Variants in NAT8L observed in about 807,000 individuals in gnomAD.
NAT8L encodes aspartate N-acetyltransferase.
NAT8L carries 6 observed loss-of-function variants against 21.2 expected under a neutral mutation model. The ratio of observed to expected loss-of-function variants is 0.28; its 90% CI spans 0.16 to 0.56. The LOEUF (loss-of-function observed/expected upper bound fraction) is 0.56, where lower values mean the gene tolerates loss of function less well. NAT8L is among the 20% of genes least tolerant of loss of function. The pLI, the probability that NAT8L is intolerant of heterozygous loss-of-function variation, is 0.93. For missense variants in NAT8L, 331 were observed against 433.3 expected (o/e 0.76, Z 2.10); for synonymous variants, 239 against 204.9 (o/e 1.17, Z -1.42).
Position 2,059,669 on chromosome 4 carries a change from C to T in NAT8L, c.158C>T (p.Pro53Leu). 3.0e-6 allele frequency: 3 copies of T among 987,456 alleles called. No individual in the cohort carries two copies. The highest frequency in any genetic ancestry group is 3.6e-6 in the Non-Finnish European group (3 of 831,296). 61.2% of individuals were successfully genotyped at this position (987,456 alleles called of 1,614,324 possible). A position where few individuals can be genotyped will look rare whatever the true frequency, so the allele number is the denominator to read the frequency against. The change falls in exon 1 of 3, where the codon CCC (proline) becomes CTC (leucine). Residue 53 changes from proline (P) to leucine (L), a missense_variant. Physicochemically the swap from Pro to Leu is moderately conservative, Grantham distance 98. Coordinates refer to ENST00000423729, the MANE Select transcript of NAT8L (RefSeq NM_178557.4). This position sits in a 1 kb window ranked among gnomAD's most constrained non-coding sequence, Gnocchi z 4.8. ...PAAPGPAAAP[P>L]APPPAPVAQP... ...GCGCCCGGGCCGGCCGCCGCGCCCC[C>T]CGCGCCCCCACCTGCCCCGGTGGCT...
At chr4:2,062,220 C>T (rs1410173899) in intron 2 of NAT8L, among the ~76,000 whole-genome samples, 2 of 152,142 alleles carry the variant, frequency 1.3e-5, no homozygotes, top group Non-Finnish European at 2.9e-5. Context: ...AGGGCAGAGG[C>T]TGGATAGCTG....
intron 2 of NAT8L, among the ~76,000 whole-genome samples, chr4:2,062,066 A>AACGGGCCATGAGGAAGC (rs1729904433): frequency 1.3e-5 from 2 of 152,108 alleles, no homozygotes; most frequent in Non-Finnish European, 2.9e-5. Flanking sequence ...TGGGAGGGGA[A>AACGGGCCATGAGGAAGC]ACGGGCCATG....
rs1729844501 is a variant in NAT8L, at chr4:2,060,944, C to A, written c.377-54C>A. 9.3e-7 allele frequency: 1 copy of A among 1,072,560 alleles called. No individual in the cohort carries two copies. Among genetic ancestry groups the A allele is most frequent in the African/African-American group, 1.7e-5 (1 of 59,350 alleles). The allele number at this position is 1,072,560 out of a possible 1,614,324, so 66.4% of individuals were successfully genotyped here. A position where few individuals can be genotyped will look rare whatever the true frequency, so the allele number is the denominator to read the frequency against. On this transcript the variant is annotated intron_variant, in intron 1 of 2. Transcript: ENST00000423729. The surrounding 1 kb of genome is among the most constrained non-coding windows in gnomAD (Gnocchi z 4.7). The stretch of plus-strand genomic sequence containing the variant: ...CTAGCGGGCTTCGCCGGGGTGGCGT[C>A]TCTGGGGCCTGGGGACCCCCGCCGC...
intron 2 of NAT8L, among the ~76,000 whole-genome samples, chr4:2,062,857 A>G (rs1729919957): frequency 6.6e-6 from 1 of 152,154 alleles, no homozygotes; most frequent in Non-Finnish European, 1.5e-5. Flanking sequence ...CCACTGGCCA[A>G]ACCCTTGGTC....
At chr4:2,063,091 C>T (rs1014585531) in intron 2 of NAT8L, among the ~76,000 whole-genome samples, 1 of 152,270 alleles carries the variant, frequency 6.6e-6, no homozygotes, top group Non-Finnish European at 1.5e-5. Flanking sequence ...GATGGCCTGG[C>T]CACTTGGCCT....
In NAT8L at chr4:2,060,276, T is replaced by A. The variant is rs918305569; in HGVS notation, c.376+389T>A. ...GGCCGCCTCCCGCTCGGTGCTAATT[T>A]ATGAGGGGAAGACAGCCGGCGCCGC... On this transcript the variant is annotated intron_variant, in intron 1 of 2. Coordinates refer to ENST00000423729, the MANE Select transcript of NAT8L (RefSeq NM_178557.4). The surrounding 1 kb of genome is among the most constrained non-coding windows in gnomAD (Gnocchi z 4.7). Among the ~76,000 whole-genome samples the A allele has an allele frequency of 6.6e-6, 1 of 151,902 alleles. No homozygotes were observed. The highest frequency in any genetic ancestry group is 2.4e-5 in the African/African-American group (1 of 41,392).
rs1192644592 is a variant in NAT8L at position 2,060,177 on chromosome 4, C to T, written c.376+290C>T. On this transcript the variant is annotated intron_variant, in intron 1 of 2. Transcript: ENST00000423729. This position sits in a 1 kb window ranked among gnomAD's most constrained non-coding sequence, Gnocchi z 4.7. ...CCCTCCCGGGCATCCTGGGTGGGGG[C>T]GGGTGCCAGGGCAGGTAGCGCCCGC... Among the ~76,000 whole-genome samples the T allele has an allele frequency of 1.3e-5, 2 of 151,974 alleles. No individual in the cohort carries two copies. The highest frequency in any genetic ancestry group is 4.8e-5 in the African/African-American group (2 of 41,448).
At chr4:2,061,502 C>G (rs1053376383) in intron 2 of NAT8L, among the ~76,000 whole-genome samples, 1 of 152,182 alleles carries the variant, frequency 6.6e-6, no homozygotes, top group Non-Finnish European at 1.5e-5. Flanking sequence ...GATGGGGTTG[C>G]CTGCAGTGCC....
intron 2 of NAT8L, among the ~76,000 whole-genome samples, chr4:2,063,020 C>T (rs1175653006): frequency 1.3e-5 from 2 of 152,230 alleles, no homozygotes; most frequent in African/African-American, 2.4e-5. Context: ...CCCCCACGAC[C>T]GCCACCTCCT....
Position 2,059,591 on chromosome 4 carries a change from A to G in NAT8L, c.80A>G (p.Lys27Arg). 1.0e-6 allele frequency: 1 copy of G among 980,888 alleles called. No individual in the cohort carries two copies. Among genetic ancestry groups the G allele is most frequent in the Non-Finnish European group, 1.2e-6 (1 of 828,904 alleles). The allele number at this position is 980,888 out of a possible 1,614,324, so 60.8% of individuals were successfully genotyped here. A position where few individuals can be genotyped will look rare whatever the true frequency, so the allele number is the denominator to read the frequency against. ...AEDHEALPGA[K>R]KDALLAAAGA... is the part of the protein sequence containing the mutation. ...GACCATGAGGCGCTGCCGGGGGCCA[A>G]GAAGGACGCGCTGCTCGCCGCCGCC... Residue 27 changes from lysine to arginine, a missense_variant, in exon 1 of 3, where the codon AAG becomes AGG. Lys to Arg is a conservative substitution (Grantham distance 26, BLOSUM62 2). This residue lies in a region of NAT8L where 199 missense variants were observed against 196.1 expected (regional missense o/e 1.01). Coordinates refer to ENST00000423729, the MANE Select transcript of NAT8L (RefSeq NM_178557.4). This position sits in a 1 kb window ranked among gnomAD's most constrained non-coding sequence, Gnocchi z 4.8.
chr4:2,060,012 GCCGCGCCGGGCC>G lies in NAT8L; in HGVS notation c.376+132_376+143del, dbSNP rs1729821750. On this transcript the variant is annotated intron_variant, in intron 1 of 2. Coordinates refer to ENST00000423729, the MANE Select transcript of NAT8L (RefSeq NM_178557.4). The surrounding 1 kb of genome is among the most constrained non-coding windows in gnomAD (Gnocchi z 4.7). ...CAGCCTGGGAAGCCCCCCGCTTTCT[GCCGCGCCGGGCC>G]CCGCGCAGGGCTGGCTATGGGCGTG... The G allele has an allele frequency of 2.2e-6, 1 of 447,030 alleles. No individual in the cohort carries two copies. Among genetic ancestry groups the G allele is most frequent in the Admixed American group, 5.5e-5 (1 of 18,316 alleles). The allele number at this position is 447,030 out of a possible 1,614,324, so 27.7% of individuals were successfully genotyped here.
rs1317879794 is a variant in NAT8L, at chr4:2,066,839, C to A, written c.*2712C>A. On this transcript the variant is annotated 3_prime_UTR_variant, in exon 3 of 3. Coordinates refer to ENST00000423729, the MANE Select transcript of NAT8L (RefSeq NM_178557.4). ...CAGGGGCCTGGGGCTCCTGGGATTTCTGTGTGTTTGGAAGCCTCTGTTTTT... is the reference window on the plus strand; with the variant it reads ...CAGGGGCCTGGGGCTCCTGGGATTTATGTGTGTTTGGAAGCCTCTGTTTTT... The A allele has an allele frequency of 6.6e-6, 1 of 152,440 alleles. No homozygotes were observed. 9.4% of individuals were successfully genotyped at this position (152,440 alleles called of 1,614,324 possible).
At position 2,059,424 on chromosome 4, in the gene NAT8L, T is replaced by G; in HGVS notation, c.-88T>G. Reference sequence around the variant, plus strand: ...CCGCCGCCGCCGCCGCCGCCGCGGGTCCGAGGGCGCCGCGCCCTTGCCCTG... The same window carrying G: ...CCGCCGCCGCCGCCGCCGCCGCGGGGCCGAGGGCGCCGCGCCCTTGCCCTG... On this transcript the variant is annotated 5_prime_UTR_variant, in exon 1 of 3. Coordinates refer to ENST00000423729, the MANE Select transcript of NAT8L (RefSeq NM_178557.4). The surrounding 1 kb of genome is among the most constrained non-coding windows in gnomAD (Gnocchi z 4.8). The G allele has an allele frequency of 4.3e-5, 19 of 442,678 alleles. No individual in the cohort carries two copies. The highest frequency in any genetic ancestry group is 5.5e-5 in the Non-Finnish European group (19 of 344,932). The allele number at this position is 442,678 out of a possible 1,614,324, so 27.4% of individuals were successfully genotyped here. A position where few individuals can be genotyped will look rare whatever the true frequency, so the allele number is the denominator to read the frequency against.
rs199612782 is a variant in NAT8L at position 2,061,160 on chromosome 4, C to G, written c.539C>G (p.Pro180Arg). The G allele has an allele frequency of 6.2e-7, 1 of 1,609,528 alleles. No individual in the cohort carries two copies. The highest frequency in any genetic ancestry group is 1.1e-5 in the South Asian group (1 of 90,944). The change falls in exon 2 of 3, where the codon CCC becomes CGC. Residue 180 changes from proline (P) to arginine (R), a missense_variant and splice_region_variant. This residue lies in a region of NAT8L where 132 missense variants were observed against 237.1 expected (regional missense o/e 0.56). Transcript: ENST00000423729. The part of the protein sequence containing the change: ...ADIEQYYMKP[P>R]GSCFWVAVLD... ...ATCGAGCAGTACTACATGAAGCCGC[C>G]CGGTGAGTCCCGCTCCCGCCGCTCC...
Position 2,063,998 on chromosome 4 carries a change from G to A in NAT8L, c.780G>A (p.Glu260=). 6.2e-7 allele frequency: 1 copy of A among 1,611,914 alleles called. No individual in the cohort carries two copies. Among genetic ancestry groups the A allele is most frequent in the Non-Finnish European group, 8.5e-7 (1 of 1,179,578 alleles). The part of the protein sequence containing the change: ...AVKVAAHKLY[E]SLGFRHMGAS... ...AGGTGGCCGCCCACAAGCTCTACGA[G>A]TCGCTGGGCTTCAGACACATGGGCG... Residue 260 remains glutamate, a synonymous_variant, in exon 3 of 3, where the codon GAG becomes GAA. Coordinates refer to ENST00000423729, the MANE Select transcript of NAT8L (RefSeq NM_178557.4).
rs535031487 is a variant in NAT8L at position 2,062,481 on chromosome 4, G to A, written c.542-1279G>A. ...TGCTGTGTGGGTAGGGAGATGGGGG[G>A]TTGGGTGTGGGAGACCCCAGGGGCT... On this transcript the variant is annotated intron_variant, in intron 2 of 2. Coordinates refer to ENST00000423729, the MANE Select transcript of NAT8L (RefSeq NM_178557.4). Among the ~76,000 whole-genome samples the A allele has an allele frequency of 9.2e-5, 14 of 152,018 alleles. No individual in the cohort carries two copies. In the South Asian group the frequency reaches 2.3e-3, roughly 25 times the overall value.
Position 2,067,756 on chromosome 4 carries a change from G to A in NAT8L, c.*3629G>A, listed in dbSNP as rs895277731. ...GAGGGACGGTGGGACAGTTGCCCCT[G>A]CGCCAAGGGAGCCCACTGCCATCCC... On this transcript the variant is annotated 3_prime_UTR_variant, in exon 3 of 3. Coordinates refer to ENST00000423729, the MANE Select transcript of NAT8L (RefSeq NM_178557.4). The A allele has an allele frequency of 1.3e-5, 2 of 152,282 alleles. No individual in the cohort carries two copies. Among genetic ancestry groups the A allele is most frequent in the African/African-American group, 4.8e-5 (2 of 41,468 alleles). 9.4% of individuals were successfully genotyped at this position (152,282 alleles called of 1,614,324 possible).
chr4:2,061,773 C>G (rs567633160), intron 2 of NAT8L, among the ~76,000 whole-genome samples: 38 of 152,178 alleles, frequency 2.5e-4, no homozygotes, highest in South Asian at 1.0e-3. Context: ...CCGGTTCCCC[C>G]ATGCCGGATG....
rs773143253 is a variant in NAT8L, at chr4:2,061,011, C to T, written c.390C>T (p.Ala130=). 1.5e-5 allele frequency: 23 copies of T among 1,548,212 alleles called. No individual in the cohort carries two copies. In the South Asian group the frequency reaches 2.4e-4, roughly 16 times the overall value. Residue 130 remains alanine (A), a synonymous_variant, in exon 2 of 3, where the codon GCC becomes GCT. Coordinates refer to ENST00000423729, the MANE Select transcript of NAT8L (RefSeq NM_178557.4). ...CTCTGCCCCCAGCGCTGTGCTTCGC[C>T]GTGAGCCGCTCGCTGCTGCTGACGT... ...LYALLAALCF[A]VSRSLLLTCL...
Sources: allele counts gnomAD v4.1 joint callset (sites outside exome capture counted in the v4.1 genomes callset), GRCh38; gene constraint gnomAD v4.1.1; regional missense constraint gnomAD v4.1.1; non-coding constraint Gnocchi (gnomAD v3.1); transcripts MANE v1.5; gene names NCBI Gene and HGNC (gene_info 2026-07-23, HGNC 2026-07-21).